DROSHA: variants seen among roughly 807,000 people sequenced by gnomAD.
DROSHA encodes the protein ribonuclease 3.
In DROSHA, 56 loss-of-function variants were observed where a neutral mutation model predicts 181.9. That is an observed-to-expected ratio of 0.31 (90% CI 0.25 to 0.38). The LOEUF (loss-of-function observed/expected upper bound fraction) is 0.38, where lower values mean the gene tolerates loss of function less well. Among genes scored for constraint, DROSHA ranks in the 10% least tolerant of loss-of-function variants. The probability of loss-of-function intolerance (pLI) is 1.00; values close to 1 mark genes in which losing one functional copy is unlikely to be tolerated. For synonymous variants in DROSHA, 524 were observed against 591.2 expected, an observed-to-expected ratio of 0.89 and a Z score of 1.65; for missense variants, 1,218 against 1,743.5, an observed-to-expected ratio of 0.70 and a Z score of 5.37.
rs534964550 is a variant in DROSHA at position 31,411,293 on chromosome 5, C to G, written c.3526-406G>C. On this transcript the variant is annotated intron_variant, in intron 30 of 35. Coordinates refer to ENST00000344624, the MANE Select transcript of DROSHA (RefSeq NM_001382508.1). The surrounding 1 kb of genome is among the most constrained non-coding windows in gnomAD (Gnocchi z 4.2). ...TGTAACTTACATTCAATAAAATGCA[C>G]CCATTTTCAGTGCACAGTTAGATGA... 5.4e-4 allele frequency among the ~76,000 whole-genome samples: 82 copies of G among 152,256 alleles called. No homozygotes were observed. Among genetic ancestry groups the G allele is most frequent in the Non-Finnish European group, 5.3e-4 (36 of 68,026 alleles).
At chr5:31,521,558 A>G (rs1297535291) in intron 5 of DROSHA, among the ~76,000 whole-genome samples, 1 of 152,224 alleles carries the variant, frequency 6.6e-6, no homozygotes, top group Non-Finnish European at 1.5e-5. Context: ...AAAGAACTCC[A>G]CATCCTATTG....
At chr5:31,427,430 C>A (rs1025206039) in intron 27 of DROSHA, among the ~76,000 whole-genome samples, 2 of 152,148 alleles carry the variant, frequency 1.3e-5, no homozygotes, top group African/African-American at 4.8e-5. Context: ...AACAGCCCTG[C>A]TGTTTACAGG....
chr5:31,478,532 G>A (rs147194815), intron 16 of DROSHA, among the ~76,000 whole-genome samples: 2,812 of 152,186 alleles, frequency 0.018, 43 homozygotes, highest in Non-Finnish European at 0.028. Context: ...TCAGGAGTTC[G>A]AGACCAGCCT....
intron 20 of DROSHA, among the ~76,000 whole-genome samples, chr5:31,452,482 A>T (rs926885686): frequency 6.6e-6 from 1 of 151,006 alleles, no homozygotes; most frequent in Non-Finnish European, 1.5e-5. Context: ...CATGGAAGTC[A>T]TATCTTTTTC....
At chr5:31,465,354 T>C (rs920400353) in intron 19 of DROSHA, among the ~76,000 whole-genome samples, 2 of 152,194 alleles carry the variant, frequency 1.3e-5, no homozygotes, top group African/African-American at 4.8e-5. Context: ...ATTTGGGATA[T>C]GAAACCTTAC....
chr5:31,460,348 A>G (rs936351710), intron 20 of DROSHA, among the ~76,000 whole-genome samples: 2 of 152,196 alleles, frequency 1.3e-5, no homozygotes, highest in Admixed American at 6.5e-5. Context: ...TAGGTTTTCA[A>G]TCCTCTTAAC....
intron 20 of DROSHA, among the ~76,000 whole-genome samples, chr5:31,456,491 CACAG>C (rs760223323): frequency 2.0e-5 from 3 of 150,772 alleles, no homozygotes; most frequent in Admixed American, 1.3e-4. Flanking sequence ...CACACACACA[CACAG>C]ACACACACAC....
chr5:31,515,033 G>C lies in DROSHA; in HGVS notation c.1245C>G (p.Cys415Trp). ...TGGAGTAGTAGTTTTCTGAATGAGT[G>C]CATCGAATCCACACAGGCTTAAGAA... ...EELLKPVWIR[C>W]THSENYYSSD... Residue 415 changes from cysteine to tryptophan, a missense_variant, in exon 8 of 36, where the codon TGC becomes TGG. By Grantham distance (215) the Cys-to-Trp change is radical. This residue lies in a region of DROSHA where 460 missense variants were observed against 774.2 expected (regional missense o/e 0.59). Transcript: ENST00000344624. The C allele has an allele frequency of 6.2e-7, 1 of 1,613,910 alleles. No homozygotes were observed. Among genetic ancestry groups the C allele is most frequent in the Non-Finnish European group, 8.5e-7 (1 of 1,179,884 alleles).
intron 30 of DROSHA, among the ~76,000 whole-genome samples, chr5:31,412,715 C>T (rs932731786): frequency 1.3e-5 from 2 of 152,096 alleles, no homozygotes; most frequent in Non-Finnish European, 2.9e-5. Flanking sequence ...TAGAGTTTCA[C>T]TAAAATTAAC....
intron 34 of DROSHA, among the ~76,000 whole-genome samples, chr5:31,406,258 A>G (rs1740638596): frequency 6.6e-6 from 1 of 152,118 alleles, no homozygotes; most frequent in Non-Finnish European, 1.5e-5. Context: ...CTAAAATCCC[A>G]GCACTTTGGG....
At chr5:31,446,670 T>A (rs1277246744) in intron 23 of DROSHA, among the ~76,000 whole-genome samples, 1 of 137,730 alleles carries the variant, frequency 7.3e-6, no homozygotes, top group African/African-American at 2.9e-5. Flanking sequence ...GAGCCCTGTC[T>A]CTATTTAAAA....
chr5:31,409,337 G>A lies in DROSHA; in HGVS notation c.3668-5C>T, dbSNP rs770020188. 1.9e-6 allele frequency: 3 copies of A among 1,564,132 alleles called. No homozygotes were observed. In the Admixed American group the frequency reaches 5.7e-5, roughly 30 times the overall value. ...TGTACAGCGCTGCAATAAATGCTGGGGAAAAAAGAATACTTTAAAATAAAC... is the reference window on the plus strand; with the variant it reads ...TGTACAGCGCTGCAATAAATGCTGGAGAAAAAAGAATACTTTAAAATAAAC... On this transcript the variant is annotated splice_polypyrimidine_tract_variant and splice_region_variant and intron_variant, in intron 31 of 35. Transcript: ENST00000344624. The surrounding 1 kb of genome is among the most constrained non-coding windows in gnomAD (Gnocchi z 4.0).
At chr5:31,529,411 C>G (rs1280754003) in intron 3 of DROSHA, among the ~76,000 whole-genome samples, 4 of 152,146 alleles carry the variant, frequency 2.6e-5, no homozygotes, top group Non-Finnish European at 5.9e-5. Context: ...CCCTCTCCCC[C>G]TTCATACTCT....
chr5:31,464,565 A>C (rs1748795209), intron 19 of DROSHA, among the ~76,000 whole-genome samples: 1 of 148,492 alleles, frequency 6.7e-6, no homozygotes, highest in South Asian at 2.2e-4. Context: ...ACTAGATAAG[A>C]AAAACTCTAA....
intron 29 of DROSHA, among the ~76,000 whole-genome samples, chr5:31,422,161 A>G (rs1742835188): frequency 6.6e-6 from 1 of 151,892 alleles, no homozygotes; most frequent in African/African-American, 2.4e-5. Context: ...CTGGAATCCA[A>G]ATTTTAAAAC....
At chr5:31,524,621 G>T (rs1244790565) in intron 5 of DROSHA, among the ~76,000 whole-genome samples, 1 of 152,080 alleles carries the variant, frequency 6.6e-6, no homozygotes, top group Non-Finnish European at 1.5e-5. Flanking sequence ...TGGTTCTCAG[G>T]CTTTTGGGAT....
chr5:31,494,732 C>G (rs779937581), intron 12 of DROSHA, among the ~76,000 whole-genome samples: 9 of 152,034 alleles, frequency 5.9e-5, no homozygotes, highest in Non-Finnish European at 1.3e-4. Context: ...GTCGCCCAGG[C>G]TGGAGTAAAG....
At chr5:31,420,438 T>C (rs145522288) in intron 30 of DROSHA, among the ~76,000 whole-genome samples, 1 of 152,346 alleles carries the variant, frequency 6.6e-6, no homozygotes, top group East Asian at 1.9e-4. Flanking sequence ...TATTATTGAT[T>C]GGTTTCACAG....
At chr5:31,405,759 TC>T in intron 34 of DROSHA, 36 bp from the exon 35 acceptor site, 2 of 910,336 alleles carry the variant, frequency 2.2e-6, no homozygotes, top group Non-Finnish European at 3.2e-6. Flanking sequence ...TACTTTAATT[TC>T]AAGATTCTTT....
Sources: gnomAD v4.1 joint callset for allele counts (sites outside exome capture counted in the v4.1 genomes callset) on GRCh38, gnomAD v4.1.1 for gene constraint, gnomAD v4.1.1 regional missense constraint, Gnocchi (gnomAD v3.1) non-coding constraint, MANE v1.5 for transcripts, NCBI Gene and HGNC (gene_info 2026-07-23, HGNC 2026-07-21) for gene names.